Variants in CCDC91 observed in about 807,000 individuals in gnomAD.
CCDC91 encodes the protein coiled-coil domain-containing protein 91.
Under a neutral mutation model 63.2 loss-of-function variants are expected in CCDC91, and 48 were observed. The ratio of observed to expected loss-of-function variants is 0.76; its 90% confidence interval spans 0.60 to 0.97. CCDC91 has a LOEUF of 0.97. Among genes scored for constraint, CCDC91 ranks in the 50% least tolerant of loss-of-function variants. The probability of loss-of-function intolerance (pLI) is 0.00; values close to 1 mark genes in which losing one functional copy is unlikely to be tolerated. For missense variants in CCDC91, 500 were observed against 494.6 expected (o/e 1.01, Z -0.10); for synonymous variants, 167 against 165.8 (o/e 1.01, Z -0.06).
intron 8 of CCDC91, among the ~76,000 whole-genome samples, chr12:28,404,445 T>G (rs1946810191): frequency 6.6e-6 from 1 of 152,070 alleles, no homozygotes; most frequent in Non-Finnish European, 1.5e-5. Context: ...ATGTTACATG[T>G]GAGTTTGAAA....
intron 12 of CCDC91, among the ~76,000 whole-genome samples, chr12:28,521,103 G>A (rs1940598811): frequency 6.6e-6 from 1 of 152,138 alleles, no homozygotes; most frequent in Non-Finnish European, 1.5e-5. Flanking sequence ...TTCCAATTCT[G>A]TGAAGAAAGT....
At chr12:28,387,299 T>G (rs930776137) in intron 7 of CCDC91, among the ~76,000 whole-genome samples, 1 of 151,124 alleles carries the variant, frequency 6.6e-6, no homozygotes, top group African/African-American at 2.5e-5. Flanking sequence ...GTTATACAAG[T>G]TCTTTTAATA....
chr12:28,411,765 C>T (rs1216026199), intron 8 of CCDC91, among the ~76,000 whole-genome samples: 1 of 152,132 alleles, frequency 6.6e-6, no homozygotes, highest in Non-Finnish European at 1.5e-5. Flanking sequence ...TGTCACAGTG[C>T]AGTACATTAC....
At chr12:28,248,691 A>G (rs1331758677) in intron 1 of CCDC91, among the ~76,000 whole-genome samples, 3 of 152,256 alleles carry the variant, frequency 2.0e-5, no homozygotes, top group African/African-American at 4.8e-5. Context: ...GGCATGAGAT[A>G]TAACAATAGT....
At chr12:28,190,678 G>A (rs986710815) in intron 1 of CCDC91, 37 bp downstream of exon 1, 2 of 152,336 alleles carry the variant, frequency 1.3e-5, no homozygotes, top group Non-Finnish European at 2.9e-5. Flanking sequence ...CTGGGTCTTG[G>A]GGTCGGGGCC....
intron 1 of CCDC91, among the ~76,000 whole-genome samples, chr12:28,230,007 A>T (rs1187655022): frequency 6.6e-6 from 1 of 152,134 alleles, no homozygotes; most frequent in Non-Finnish European, 1.5e-5. Flanking sequence ...ACTTTTCATT[A>T]TTCATTCTTC....
chr12:28,515,028 AAG>A (rs755204491), intron 12 of CCDC91, among the ~76,000 whole-genome samples: 1 of 151,844 alleles, frequency 6.6e-6, no homozygotes, highest in Non-Finnish European at 1.5e-5. Context: ...TAAAAAAAGA[AAG>A]TGGTGAAAAT....
chr12:28,462,491 C>G (rs1950353944), intron 11 of CCDC91, among the ~76,000 whole-genome samples: 1 of 151,900 alleles, frequency 6.6e-6, no homozygotes, highest in Admixed American at 6.6e-5. Flanking sequence ...GAGCCATAAA[C>G]TAAGACAGTT....
intron 8 of CCDC91, among the ~76,000 whole-genome samples, chr12:28,431,852 GTT>G (rs1948644706): frequency 6.6e-6 from 1 of 151,936 alleles, no homozygotes; most frequent in African/African-American, 2.4e-5. Flanking sequence ...ATACAAAATA[GTT>G]TCACTGCTCT....
chr12:28,293,116 A>G (rs912482192), intron 3 of CCDC91, among the ~76,000 whole-genome samples: 3 of 152,240 alleles, frequency 2.0e-5, no homozygotes, highest in Non-Finnish European at 2.9e-5. Flanking sequence ...TTATTAATAT[A>G]CATTATAAAA....
intron 8 of CCDC91, among the ~76,000 whole-genome samples, chr12:28,403,279 C>A (rs766982487): frequency 7.2e-5 from 11 of 152,108 alleles, no homozygotes; most frequent in Admixed American, 1.3e-4. Flanking sequence ...GGGCCAGGTG[C>A]TTTCTGTTTG....
chr12:28,325,538 C>T (rs886532272), intron 6 of CCDC91, among the ~76,000 whole-genome samples: 8 of 151,636 alleles, frequency 5.3e-5, no homozygotes, highest in African/African-American at 1.9e-4. Flanking sequence ...GTGATGAAAA[C>T]TATAGCAAGG....
At chr12:28,229,682 C>T (rs1323619735) in intron 1 of CCDC91, among the ~76,000 whole-genome samples, 1 of 152,164 alleles carries the variant, frequency 6.6e-6, no homozygotes, top group Non-Finnish European at 1.5e-5. Context: ...CAGAGCTTTT[C>T]TTCTTCCATC....
chr12:28,307,548 T>G, intron 5 of CCDC91, 97 bp from the exon 6 acceptor site: 1 of 623,356 alleles, frequency 1.6e-6, no homozygotes, highest in Non-Finnish European at 2.7e-6. Context: ...CATGGATTCT[T>G]TCTCTGACAA....
chr12:28,205,860 A>G (rs1212862116), intron 1 of CCDC91, among the ~76,000 whole-genome samples: 1 of 152,178 alleles, frequency 6.6e-6, no homozygotes, highest in African/African-American at 2.4e-5. Flanking sequence ...CTCAGGCCAT[A>G]TTTGGTTTGC....
intron 12 of CCDC91, among the ~76,000 whole-genome samples, chr12:28,536,245 C>CAA (rs1329041157): frequency 6.6e-6 from 1 of 152,064 alleles, no homozygotes. Flanking sequence ...AAAGCTTTTA[C>CAA]GCCAGCTCAT....
chr12:28,219,766 C>T (rs1217189599), intron 1 of CCDC91, among the ~76,000 whole-genome samples: 2 of 152,106 alleles, frequency 1.3e-5, no homozygotes, highest in East Asian at 1.9e-4. Flanking sequence ...AGCCACTGCG[C>T]CCGGCCCCCA....
intron 6 of CCDC91, among the ~76,000 whole-genome samples, chr12:28,325,160 G>A (rs1940869257): frequency 6.6e-6 from 1 of 151,842 alleles, no homozygotes; most frequent in Non-Finnish European, 1.5e-5. Context: ...TAGATAAATT[G>A]GGAATCACAT....
intron 3 of CCDC91, among the ~76,000 whole-genome samples, chr12:28,287,381 T>C (rs1948978176): frequency 6.6e-6 from 1 of 152,188 alleles, no homozygotes; most frequent in Non-Finnish European, 1.5e-5. Flanking sequence ...ATGTTAATTT[T>C]TGTATATAGT....
Sources: gnomAD v4.1 joint callset for allele counts (sites outside exome capture counted in the v4.1 genomes callset) on GRCh38, gnomAD v4.1.1 for gene constraint, MANE v1.5 for transcripts, NCBI Gene and HGNC (gene_info 2026-07-23, HGNC 2026-07-21) for gene names.